The following LRFN5 variants were observed in gnomAD, a reference collection of about 807,000 sequenced individuals.
The protein encoded by LRFN5 is leucine rich repeat and fibronectin type III domain containing 5.
In LRFN5, 24 loss-of-function variants were observed where a neutral mutation model predicts 45.6. The observed-to-expected ratio is 0.53, with a 90% confidence interval of 0.38 to 0.74. The LOEUF is 0.74. LRFN5 is among the 30% of genes least tolerant of loss of function. LRFN5 has a pLI of 0.00. For synonymous variants in LRFN5, 340 were observed against 313.8 expected (o/e 1.08, Z -0.88); for missense variants, 776 against 861.5 (o/e 0.90, Z 1.24).
At chr14:41,824,947 G>A (rs73319465) in intron 2 of LRFN5, among the ~76,000 whole-genome samples, 6,424 of 152,188 alleles carry the variant, frequency 0.042, 451 homozygotes, top group African/African-American at 0.15. Context: ...CCTGTCCTGG[G>A]ATTCCTGACT....
chr14:41,775,331 C>T (rs570796376), intron 2 of LRFN5, among the ~76,000 whole-genome samples: 22 of 152,020 alleles, frequency 1.4e-4, no homozygotes, highest in Non-Finnish European at 2.5e-4. Flanking sequence ...CCTCGTGATC[C>T]GCCCACCTCC....
At chr14:41,828,066 A>T (rs537729240) in intron 2 of LRFN5, among the ~76,000 whole-genome samples, 1 of 152,038 alleles carries the variant, frequency 6.6e-6, no homozygotes, top group Non-Finnish European at 1.5e-5. Flanking sequence ...ATGTATTGTT[A>T]TATCATGAAA....
At chr14:41,856,675 AT>A (rs1555326982) in intron 2 of LRFN5, among the ~76,000 whole-genome samples, 6 of 18,338 alleles carry the variant, frequency 3.3e-4, no homozygotes, top group African/African-American at 7.7e-4. Flanking sequence ...TATTATTATT[AT>A]TTTTTTTTTT....
At chr14:41,875,536 A>T (rs1464731190) in intron 2 of LRFN5, among the ~76,000 whole-genome samples, 2 of 152,212 alleles carry the variant, frequency 1.3e-5, no homozygotes, top group Admixed American at 6.5e-5. Flanking sequence ...CTCAAGCTAT[A>T]CCAATTAAAG....
intron 2 of LRFN5, among the ~76,000 whole-genome samples, chr14:41,822,621 G>C (rs1158001250): frequency 6.6e-6 from 1 of 151,964 alleles, no homozygotes; most frequent in African/African-American, 2.4e-5. Context: ...TGTATATTCT[G>C]TTGTTGGGAA....
chr14:41,778,287 C>G (rs918307949), intron 2 of LRFN5, among the ~76,000 whole-genome samples: 9 of 151,706 alleles, frequency 5.9e-5, no homozygotes, highest in African/African-American at 2.2e-4. Context: ...CATGACTCTT[C>G]TTTTATAACT....
intron 1 of LRFN5, among the ~76,000 whole-genome samples, chr14:41,609,153 G>C (rs556210662): frequency 2.2e-4 from 33 of 152,276 alleles, no homozygotes; most frequent in Non-Finnish European, 4.0e-4. Context: ...TGTGTGTCTT[G>C]AGATATGGTG....
At position 41,904,482 on chromosome 14, in the gene LRFN5, T is replaced by C. The variant is rs1225767449; in HGVS notation, c.*307T>C. On this transcript the variant is annotated 3_prime_UTR_variant, in exon 6 of 6. Coordinates refer to ENST00000298119, the MANE Select transcript of LRFN5 (RefSeq NM_152447.5). ...ATCCATCTTACATTGCCATCCATGA[T>C]TTAACAGACTGTAGAATCTTGAATA... is the stretch of plus-strand genomic sequence containing the variant. 1 of 300,668 alleles carries C rather than the reference T, an allele frequency of 3.3e-6. No homozygotes were observed. The highest frequency in any genetic ancestry group is 5.6e-5 in the East Asian group (1 of 17,746). The allele number at this position is 300,668 out of a possible 1,614,324, so 18.6% of individuals were successfully genotyped here. A position where few individuals can be genotyped will look rare whatever the true frequency, so the allele number is the denominator to read the frequency against.
intron 1 of LRFN5, among the ~76,000 whole-genome samples, chr14:41,669,511 CAAT>C (rs1172782356): frequency 6.6e-6 from 1 of 151,840 alleles, no homozygotes; most frequent in Non-Finnish European, 1.5e-5. Context: ...ATTAAAGCAA[CAAT>C]GATTGAACTT....
chr14:41,682,457 A>G (rs1881945236), intron 1 of LRFN5, among the ~76,000 whole-genome samples: 1 of 152,110 alleles, frequency 6.6e-6, no homozygotes, highest in South Asian at 2.1e-4. Context: ...AAATTAGTAG[A>G]AAAATGAAAT....
At chr14:41,641,383 G>A (rs1487877329) in intron 1 of LRFN5, among the ~76,000 whole-genome samples, 6 of 151,880 alleles carry the variant, frequency 4.0e-5, no homozygotes, top group East Asian at 1.9e-4. Flanking sequence ...AATTTTTCCC[G>A]TACCATTTTT....
intron 2 of LRFN5, among the ~76,000 whole-genome samples, chr14:41,784,848 C>T (rs1172045238): frequency 3.9e-5 from 6 of 152,032 alleles, no homozygotes; most frequent in African/African-American, 1.4e-4. Flanking sequence ...AGGCTGGTCT[C>T]GAACTCCTGA....
chr14:41,752,707 C>T lies in LRFN5; in HGVS notation c.-196-14147C>T, dbSNP rs549737235. Among the ~76,000 whole-genome samples the T allele has an allele frequency of 3.9e-5, 6 of 152,256 alleles. No homozygotes were observed. The East Asian group carries it at 7.7e-4, about 20-fold the overall frequency. On this transcript the variant is annotated intron_variant, in intron 1 of 5. Transcript: ENST00000298119. Reference sequence around the variant, plus strand: ...TATATTGCAAAAATTTTCTGCCATTCTGTAGGTTGCCTGTTCACTCTGATG... The same window carrying T: ...TATATTGCAAAAATTTTCTGCCATTTTGTAGGTTGCCTGTTCACTCTGATG...
rs149547050 is a variant in LRFN5 at position 41,720,847 on chromosome 14, T to C, written c.-196-46007T>C. Among the ~76,000 whole-genome samples the C allele has an allele frequency of 8.5e-4, 129 of 152,176 alleles. 1 individual carries two copies. The highest frequency in any genetic ancestry group is 2.4e-3 in the African/African-American group (100 of 41,522). ...ATGTTTTGTGTGTAGATGAGAAGGA[T>C]GTATATTCTCTTGTTGATAAGTGGA... is the stretch of plus-strand genomic sequence containing the variant. On this transcript the variant is annotated intron_variant, in intron 1 of 5. Coordinates refer to ENST00000298119, the MANE Select transcript of LRFN5 (RefSeq NM_152447.5).
chr14:41,729,045 A>G (rs1274274276), intron 1 of LRFN5, among the ~76,000 whole-genome samples: 3 of 152,204 alleles, frequency 2.0e-5, no homozygotes, highest in African/African-American at 7.2e-5. Flanking sequence ...AAGGTTTCCA[A>G]CAATGAGCTC....
At chr14:41,837,911 G>T (rs1888718529) in intron 2 of LRFN5, among the ~76,000 whole-genome samples, 1 of 152,124 alleles carries the variant, frequency 6.6e-6, no homozygotes, top group African/African-American at 2.4e-5. Flanking sequence ...TATACTCATT[G>T]TAAATGTAGG....
At chr14:41,661,788 C>T (rs964938826) in intron 1 of LRFN5, among the ~76,000 whole-genome samples, 1 of 151,908 alleles carries the variant, frequency 6.6e-6, no homozygotes, top group Non-Finnish European at 1.5e-5. Flanking sequence ...GAAGGTTGCC[C>T]TAGGCACCTT....
At chr14:41,796,704 G>T (rs936822104) in intron 2 of LRFN5, among the ~76,000 whole-genome samples, 2 of 151,770 alleles carry the variant, frequency 1.3e-5, no homozygotes, top group African/African-American at 4.8e-5. Context: ...ATAGAATTCC[G>T]CATGAATCTC....
intron 1 of LRFN5, among the ~76,000 whole-genome samples, chr14:41,737,188 T>C (rs1038538387): frequency 6.6e-6 from 1 of 152,178 alleles, no homozygotes; most frequent in Non-Finnish European, 1.5e-5. Flanking sequence ...CATGCAAGGC[T>C]GGTTCAATAT....
Sources: allele counts gnomAD v4.1 joint callset (sites outside exome capture counted in the v4.1 genomes callset), GRCh38; gene constraint gnomAD v4.1.1; transcripts MANE v1.5; gene names NCBI Gene and HGNC (gene_info 2026-07-23, HGNC 2026-07-21).